The following CIB1 variants were observed in gnomAD, a reference collection of about 807,000 sequenced individuals.
CIB1 encodes the protein calcium and integrin binding 1.
Under a neutral mutation model 25.0 loss-of-function variants are expected in CIB1, and 19 were observed. That is an observed-to-expected ratio of 0.76 (90% CI 0.53 to 1.12). The LOEUF (loss-of-function observed/expected upper bound fraction) is 1.12, where lower values mean the gene tolerates loss of function less well. Ranked by LOEUF, CIB1 falls within the 50% of genes most tolerant of loss-of-function variation. CIB1 has a pLI of 0.00. For synonymous variants in CIB1, 104 were observed against 98.5 expected (o/e 1.06, Z -0.33); for missense variants, 236 against 242.6 (o/e 0.97, Z 0.18).
At chr15:90,242,906 G>T in the CIB1 span, 2 of 152,154 alleles carry the variant, frequency 1.3e-5, no homozygotes, top group Non-Finnish European at 2.9e-5. Context: ...AAAGATAATG[G>T]TCTCTTTAAA....
At chr15:90,256,581 CTT>C in the CIB1 span, among the ~76,000 whole-genome samples, 6 of 35,660 alleles carry the variant, frequency 1.7e-4, no homozygotes, top group African/African-American at 4.6e-4. Flanking sequence ...TTCTTTCTTT[CTT>C]TCTTTCTTTC....
chr15:90,261,900 A>T, the CIB1 span: 1 of 920,550 alleles, frequency 1.1e-6, no homozygotes, highest in East Asian at 2.9e-5. Context: ...GGGGCCCAGG[A>T]GGTCAAGAAG....
chr15:90,241,327 G>A, the CIB1 span: 19 of 1,614,048 alleles, frequency 1.2e-5, no homozygotes, highest in East Asian at 6.7e-5. Context: ...CGTTTGCACC[G>A]GGAGCCTGAT....
chr15:90,262,205 C>T, the CIB1 span: 1 of 1,521,962 alleles, frequency 6.6e-7, no homozygotes, highest in Non-Finnish European at 8.8e-7. Flanking sequence ...CTTTGACCGA[C>T]ATTCTCCTCT....
the CIB1 span, among the ~76,000 whole-genome samples, chr15:90,248,335 G>A: frequency 0.012 from 1,782 of 152,292 alleles, 38 homozygotes; most frequent in African/African-American, 0.041. Context: ...CCTGAACTAT[G>A]AAACATGAAT....
the CIB1 span, chr15:90,259,030 A>C: frequency 6.3e-7 from 1 of 1,587,950 alleles, no homozygotes; most frequent in Non-Finnish European, 8.6e-7. Context: ...GCTATCAAAA[A>C]CAACTTTTTG....
chr15:90,249,755 C>G, the CIB1 span: 3 of 152,170 alleles, frequency 2.0e-5, no homozygotes, highest in Non-Finnish European at 2.9e-5. Context: ...TGAGTCCATC[C>G]CCAGGCGGCT....
chr15:90,233,480 C>G (rs963583837), intron 2 of CIB1, among the ~76,000 whole-genome samples, 189 bp downstream of exon 2: 2 of 152,236 alleles, frequency 1.3e-5, no homozygotes, highest in African/African-American at 4.8e-5. Flanking sequence ...CGGTGCCACG[C>G]TGGGGCCTCA....
At chr15:90,251,835 A>AC in the CIB1 span, among the ~76,000 whole-genome samples, 4 of 151,376 alleles carry the variant, frequency 2.6e-5, no homozygotes, top group East Asian at 7.8e-4. Context: ...AAAAAAAAAA[A>AC]AAAAAGTCCA....
the CIB1 span, chr15:90,249,399 C>G: frequency 6.6e-6 from 1 of 152,318 alleles, no homozygotes; most frequent in South Asian, 2.1e-4. Flanking sequence ...GCGTCGAGGC[C>G]GGCCAGCTCC....
chr15:90,246,700 A>G, the CIB1 span, among the ~76,000 whole-genome samples: 3 of 147,306 alleles, frequency 2.0e-5, no homozygotes, highest in Non-Finnish European at 4.5e-5. Context: ...ACGCAGGAGA[A>G]TCACTTGAAC....
the CIB1 span, chr15:90,263,220 A>G: frequency 7.5e-7 from 1 of 1,326,918 alleles, no homozygotes; most frequent in Non-Finnish European, 1.0e-6. Flanking sequence ...GTTGGTCTCA[A>G]CAAAGGAGGC....
At chr15:90,252,490 T>A in the CIB1 span, among the ~76,000 whole-genome samples, 1 of 152,146 alleles carries the variant, frequency 6.6e-6, no homozygotes, top group Admixed American at 6.6e-5. Context: ...CCTTCCCAGA[T>A]TTTACCAGAG....
the CIB1 span, among the ~76,000 whole-genome samples, chr15:90,254,189 T>TTGTTG: frequency 2.3e-3 from 222 of 97,994 alleles, no homozygotes; most frequent in East Asian, 8.8e-3. Flanking sequence ...TGAGACCCTG[T>TTGTTG]TTTTTTTTTT....
chr15:90,255,721 C>T, the CIB1 span: 455,422 of 1,613,376 alleles, frequency 0.28, 72,300 homozygotes, highest in East Asian at 0.66. Context: ...ATGCCACTTA[C>T]TCTGGGGGCT....
chr15:90,257,939 C>A, the CIB1 span: 1 of 1,202,652 alleles, frequency 8.3e-7, no homozygotes, highest in Non-Finnish European at 1.2e-6. Context: ...CCCTTCAAAG[C>A]CCGGGCATGC....
Position 90,230,920 on chromosome 15 carries a change from G to A in CIB1, c.554+14C>T, listed in dbSNP as rs376858222. ...CCTGCAGGTACCCAGAATGAAGGGGGACCACTGTCATACCTGGCAAAGTCT... is the reference window on the plus strand; with the variant it reads ...CCTGCAGGTACCCAGAATGAAGGGGAACCACTGTCATACCTGGCAAAGTCT... On this transcript the variant is annotated intron_variant, in intron 6 of 6. Transcript: ENST00000328649. The A allele has an allele frequency of 3.7e-6, 6 of 1,607,676 alleles. No individual in the cohort carries two copies. The highest frequency in any genetic ancestry group is 4.3e-6 in the Non-Finnish European group (5 of 1,174,342).
the CIB1 span, chr15:90,257,934 C>A: frequency 3.4e-6 from 4 of 1,184,006 alleles, no homozygotes; most frequent in South Asian, 1.4e-5. Flanking sequence ...AGCAGCCCTT[C>A]AAAGCCCGGG....
the CIB1 span, among the ~76,000 whole-genome samples, chr15:90,252,058 AGACC>A: frequency 1.2e-5 from 1 of 82,690 alleles, no homozygotes. Flanking sequence ...TTTTTTTTTG[AGACC>A]GAGTTTTGCT....
Sources: allele counts gnomAD v4.1 joint callset (sites outside exome capture counted in the v4.1 genomes callset), GRCh38; gene constraint gnomAD v4.1.1; transcripts MANE v1.5; gene names NCBI Gene and HGNC (gene_info 2026-07-23, HGNC 2026-07-21).